The following ZNF787 variants were observed in gnomAD, a reference collection of about 807,000 sequenced individuals.
ZNF787 encodes the protein TTF-I-interacting peptide 20.
In ZNF787, 7 loss-of-function variants were observed where a neutral mutation model predicts 16.9. The ratio of observed to expected loss-of-function variants is 0.42; its 90% CI spans 0.24 to 0.78. ZNF787 has a LOEUF of 0.78. Ranked by LOEUF, ZNF787 falls within the 30% of genes least tolerant of loss-of-function variation. ZNF787 has a pLI of 0.30. For synonymous variants in ZNF787, 345 were observed against 270.9 expected, an observed-to-expected ratio of 1.27 and a Z score of -2.69; for missense variants, 551 against 589.3, an observed-to-expected ratio of 0.94 and a Z score of 0.67.
rs1474754454 is a variant in ZNF787, at chr19:56,087,911, C to G, written c.*112G>C. 2.6e-5 allele frequency: 33 copies of G among 1,276,372 alleles called. No homozygotes were observed. Among genetic ancestry groups the G allele is most frequent in the Non-Finnish European group, 3.2e-5 (32 of 1,011,520 alleles). The allele number at this position is 1,276,372 out of a possible 1,614,324, so 79.1% of individuals were successfully genotyped here. On this transcript the variant is annotated 3_prime_UTR_variant, in exon 3 of 3. Transcript: ENST00000610935. ...AGAGGAGGGCGGGGAGCCGGGGATG[C>G]CGCGGGGTCCATCGCACCCCGTCCG...
At chr19:56,119,098 G>C (rs2030215710) in intron 1 of ZNF787, among the ~76,000 whole-genome samples, 1 of 152,184 alleles carries the variant, frequency 6.6e-6, no homozygotes, top group Non-Finnish European at 1.5e-5. Flanking sequence ...GGGACTGTAT[G>C]ATTCCTGCCA....
rs368849667 is a variant in ZNF787 at position 56,103,549 on chromosome 19, G to A, written c.-10-322C>T. 1.6e-4 allele frequency: 56 copies of A among 354,848 alleles called. No individual in the cohort carries two copies. In the East Asian group the frequency reaches 2.2e-3, roughly 14 times the overall value. 22.0% of individuals were successfully genotyped at this position (354,848 alleles called of 1,614,324 possible). On this transcript the variant is annotated intron_variant, in intron 1 of 2. Transcript: ENST00000610935. ...AAGCAACCCCACCTCGCGCCTCCTC[G>A]CGCCTCAGCTTCCTCACTGGCAAGA...
rs778502758 is a variant in ZNF787 at position 56,088,411 on chromosome 19, G to A, written c.761C>T (p.Ala254Val). 8.6e-4 allele frequency: 964 copies of A among 1,127,010 alleles called. No individual in the cohort carries two copies. Among genetic ancestry groups the A allele is most frequent in the Admixed American group, 1.4e-3 (28 of 19,774 alleles). The allele number at this position is 1,127,010 out of a possible 1,614,324, so 69.8% of individuals were successfully genotyped here. ...CGCGCCCGCCATGGCTGCCGCGGCCGCGGCCCCCTCGCCCGGCGCGCCCAC... is the reference window on the plus strand; with the variant it reads ...CGCGCCCGCCATGGCTGCCGCGGCCACGGCCCCCTCGCCCGGCGCGCCCAC... ...IVVGAPGEGA[A>V]AAAAMAGAGA... Residue 254 changes from alanine (A) to valine (V), a missense_variant, in exon 3 of 3, where the codon GCG (alanine) becomes GTG (valine). Ala to Val is a moderately conservative substitution (Grantham distance 64). Around this residue, in one of 4 missense-constraint regions of ZNF787, gnomAD observed 392 missense variants for 312.7 expected, o/e 1.25. Coordinates refer to ENST00000610935, the MANE Select transcript of ZNF787 (RefSeq NM_001002836.4). The surrounding 1 kb of genome is among the most constrained non-coding windows in gnomAD (Gnocchi z 8.6).
chr19:56,105,094 TG>T (rs1263192611), intron 1 of ZNF787, among the ~76,000 whole-genome samples: 1 of 152,000 alleles, frequency 6.6e-6, no homozygotes, highest in African/African-American at 2.4e-5. Context: ...CACTCCAGCC[TG>T]GGCGACAGAG....
intron 2 of ZNF787, among the ~76,000 whole-genome samples, chr19:56,097,667 C>T (rs1985921783): frequency 6.6e-6 from 1 of 152,244 alleles, no homozygotes; most frequent in Non-Finnish European, 1.5e-5. Context: ...TTCTTTTTAT[C>T]TGGCTGTGTT....
chr19:56,091,421 G>A (rs1430717964), intron 2 of ZNF787, among the ~76,000 whole-genome samples: 2 of 152,230 alleles, frequency 1.3e-5, no homozygotes, highest in Non-Finnish European at 2.9e-5. Context: ...GCACTGGGGC[G>A]GGTGTGCAGT....
At chr19:56,106,814 C>CTGGGGTCTGCAGACCAGCACGTG (rs71184318) in intron 1 of ZNF787, among the ~76,000 whole-genome samples, 68 of 151,628 alleles carry the variant, frequency 4.5e-4, no homozygotes, top group African/African-American at 1.5e-3. Flanking sequence ...TCATTCCAGG[C>CTGGGGTCTGCAGACCAGCACGTG]GGAAGTCTGC....
chr19:56,119,226 G>A (rs1297282882), intron 1 of ZNF787, among the ~76,000 whole-genome samples: 2 of 152,250 alleles, frequency 1.3e-5, no homozygotes, highest in Non-Finnish European at 2.9e-5. Flanking sequence ...ACAGTGCTGT[G>A]CCAAGACCAT....
At chr19:56,103,016 G>T in intron 2 of ZNF787, 123 bp downstream of exon 2, 1 of 1,053,324 alleles carries the variant, frequency 9.5e-7, no homozygotes, top group Non-Finnish European at 1.4e-6. Context: ...GCCAGGGTCG[G>T]GTGGTCCCAG....
chr19:56,087,770 G>A lies in ZNF787; in HGVS notation c.*253C>T, dbSNP rs1476834031. On this transcript the variant is annotated 3_prime_UTR_variant, in exon 3 of 3. Coordinates refer to ENST00000610935, the MANE Select transcript of ZNF787 (RefSeq NM_001002836.4). ...TGCAGTTCTCTCCATTGTCTCTCCG[G>A]CTCGCAGGCCGATAACTTAGGAAGG... 1 of 471,254 alleles carries A rather than the reference G, an allele frequency of 2.1e-6. No homozygotes were observed. The highest frequency in any genetic ancestry group is 3.2e-6 in the Non-Finnish European group (1 of 313,028). 29.2% of individuals were successfully genotyped at this position (471,254 alleles called of 1,614,324 possible). A position where few individuals can be genotyped will look rare whatever the true frequency, so the allele number is the denominator to read the frequency against.
At position 56,089,115 on chromosome 19, in the gene ZNF787, G is replaced by T. The variant is rs113818010; in HGVS notation, c.80-23C>A. On this transcript the variant is annotated intron_variant, in intron 2 of 2. Transcript: ENST00000610935. ...CCACTGGAAAGCAAGAGGGTAGGGG[G>T]AGGTGAGTCAAGAGAGGCAAGGGCT... The T allele has an allele frequency of 3.5e-6, 5 of 1,439,988 alleles. No individual in the cohort carries two copies. In the African/African-American group the frequency reaches 4.4e-5, roughly 13 times the overall value. 89.2% of individuals were successfully genotyped at this position (1,439,988 alleles called of 1,614,324 possible).
chr19:56,115,560 A>G (rs1256538650), intron 1 of ZNF787, among the ~76,000 whole-genome samples: 1 of 151,646 alleles, frequency 6.6e-6, no homozygotes, highest in Non-Finnish European at 1.5e-5. Context: ...GGGATTCACC[A>G]TGTTAGCCAG....
At chr19:56,106,051 G>C (rs1438888547) in intron 1 of ZNF787, among the ~76,000 whole-genome samples, 5 of 119,550 alleles carry the variant, frequency 4.2e-5, no homozygotes, top group Non-Finnish European at 8.4e-5. Flanking sequence ...GGCAGTCACC[G>C]CGCATTCCGC....
chr19:56,092,050 C>CCGAAGCCGAAGCCGA (rs1568523636), intron 2 of ZNF787, among the ~76,000 whole-genome samples: 1 of 137,722 alleles, frequency 7.3e-6, no homozygotes, highest in African/African-American at 3.2e-5. Flanking sequence ...GCCGAAGCCT[C>CCGAAGCCGAAGCCGA]ACCCTCACCC....
rs573806938 is a variant in ZNF787 at position 56,097,941 on chromosome 19, AGGCATGGAG to A, written c.79+5189_79+5197del. On this transcript the variant is annotated intron_variant, in intron 2 of 2. Coordinates refer to ENST00000610935, the MANE Select transcript of ZNF787 (RefSeq NM_001002836.4). ...AATTTCGGGAGGCTTGGGGGAGAAG[AGGCATGGAG>A]ACTTTTGTTCAGACAACCTCATGCT... Among the ~76,000 whole-genome samples the A allele has an allele frequency of 8.1e-3, 1,240 of 152,206 alleles. 19 individuals are homozygous for A. The highest frequency in any genetic ancestry group is 0.028 in the African/African-American group (1,166 of 41,536).
At chr19:56,116,262 A>G (rs2030135281) in intron 1 of ZNF787, among the ~76,000 whole-genome samples, 2 of 152,258 alleles carry the variant, frequency 1.3e-5, no homozygotes, top group South Asian at 4.1e-4. Flanking sequence ...TAACACGGTG[A>G]AACCCCATCT....
Position 56,107,209 on chromosome 19 carries a change from G to T in ZNF787, c.-10-3982C>A, listed in dbSNP as rs570651844. ...TCCCCATTATGCAGATGAGGAAACAGAGGCCCAAGGTCTCTCCGTGGGGAA... is the reference window on the plus strand; with the variant it reads ...TCCCCATTATGCAGATGAGGAAACATAGGCCCAAGGTCTCTCCGTGGGGAA... On this transcript the variant is annotated intron_variant, in intron 1 of 2. Transcript: ENST00000610935. Among the ~76,000 whole-genome samples, 8 of 152,302 alleles carry T rather than the reference G, an allele frequency of 5.3e-5. No individual in the cohort carries two copies. The South Asian group carries it at 1.7e-3, about 32-fold the overall frequency.
intron 1 of ZNF787, among the ~76,000 whole-genome samples, chr19:56,116,083 G>T (rs1161690682): frequency 6.6e-6 from 1 of 152,056 alleles, no homozygotes; most frequent in Non-Finnish European, 1.5e-5. Flanking sequence ...GGGTGCAGGC[G>T]GATATGGGAA....
Position 56,088,926 on chromosome 19 carries a change from C to A in ZNF787, c.246G>T (p.Thr82=). ...CGCCGGTGTGCGTGCGCTGGTGCCG[C>A]GTCAGCTTGGACCAGTGGCTAAAGC... ...GKSFSHWSKL[T]RHQRTHTGER... The change falls in exon 3 of 3, where the codon ACG becomes ACT. Residue 82 remains threonine (T), a synonymous_variant. Transcript: ENST00000610935. The surrounding 1 kb of genome is among the most constrained non-coding windows in gnomAD (Gnocchi z 8.6). 6.3e-7 allele frequency: 1 copy of A among 1,590,224 alleles called. No homozygotes were observed. The highest frequency in any genetic ancestry group is 1.1e-5 in the South Asian group (1 of 87,676).
Sources: gnomAD v4.1 joint callset for allele counts (sites outside exome capture counted in the v4.1 genomes callset) on GRCh38, gnomAD v4.1.1 for gene constraint, gnomAD v4.1.1 regional missense constraint, Gnocchi (gnomAD v3.1) non-coding constraint, MANE v1.5 for transcripts, NCBI Gene and HGNC (gene_info 2026-07-23, HGNC 2026-07-21) for gene names.